ITGB5: variants seen among roughly 807,000 people sequenced by gnomAD.
ITGB5 encodes integrin subunit beta 5.
Under a neutral mutation model 84.8 loss-of-function variants are expected in ITGB5, and 38 were observed. That is an observed-to-expected ratio of 0.45 (90% CI 0.35 to 0.59). ITGB5 has a LOEUF of 0.59. ITGB5 is among the 20% of genes least tolerant of loss of function. ITGB5 has a pLI of 0.01. For synonymous variants in ITGB5, 393 were observed against 414.4 expected (o/e 0.95, Z 0.63); for missense variants, 905 against 1,034.5 (o/e 0.87, Z 1.72).
rs200542282 is a variant in ITGB5, at chr3:124,775,019, C to G, written c.1694-1107G>C. ...AGTCTGGCTCCAGAGTCCATGATCT[C>G]AGTGCCAAAGTCTACTGCCTCCTAT... On this transcript the variant is annotated intron_variant, in intron 10 of 14. Coordinates refer to ENST00000296181, the MANE Select transcript of ITGB5 (RefSeq NM_002213.5). Among the ~76,000 whole-genome samples the G allele has an allele frequency of 2.0e-4, 30 of 152,354 alleles. No homozygotes were observed. The East Asian group carries it at 4.2e-3, about 22-fold the overall frequency.
upstream of ITGB5, among the ~76,000 whole-genome samples, chr3:124,891,593 C>T (rs1408602517): frequency 1.9e-5 from 2 of 103,720 alleles, no homozygotes; most frequent in African/African-American, 3.5e-5. Flanking sequence ...ATAACTGCCT[C>T]AAAAAAAAAA....
At chr3:124,798,077 GGAGTCTC>G (rs1579213651) in intron 9 of ITGB5, among the ~76,000 whole-genome samples, 1 of 56,862 alleles carries the variant, frequency 1.8e-5, no homozygotes, top group East Asian at 5.2e-4. Flanking sequence ...TTTTTGAGGT[GGAGTCTC>G]GCTCTGTTGC....
At chr3:124,859,560 T>G in intron 2 of ITGB5, 114 bp from the exon 3 acceptor site, 2 of 748,882 alleles carry the variant, frequency 2.7e-6, no homozygotes, top group Non-Finnish European at 4.4e-6. Flanking sequence ...ACTTTCCATT[T>G]TCATTGTCTG....
At chr3:124,795,597 C>T (rs11718590) in intron 10 of ITGB5, among the ~76,000 whole-genome samples, 2,022 of 152,170 alleles carry the variant, frequency 0.013, 34 homozygotes, top group South Asian at 0.045. Flanking sequence ...GTGAAAGGGA[C>T]TGTGCAGATG....
At chr3:124,815,576 C>T (rs1382324551) in intron 8 of ITGB5, among the ~76,000 whole-genome samples, 1 of 152,232 alleles carries the variant, frequency 6.6e-6, no homozygotes, top group Non-Finnish European at 1.5e-5. Flanking sequence ...CCTGTGGGGT[C>T]TCCCAGCTCT....
At chr3:124,886,793 C>G in intron 1 of ITGB5, 138 bp downstream of exon 1, 1 of 367,046 alleles carries the variant, frequency 2.7e-6, no homozygotes, top group East Asian at 4.9e-5. Flanking sequence ...TGTCCCCCAG[C>G]GACTGGCCCA....
chr3:124,834,427 GAAAC>G (rs2107582735), intron 5 of ITGB5, among the ~76,000 whole-genome samples: 1 of 146,994 alleles, frequency 6.8e-6, no homozygotes, highest in East Asian at 2.0e-4. Context: ...AAGAAAGAAG[GAAAC>G]AAAGAAAGAA....
intron 3 of ITGB5, among the ~76,000 whole-genome samples, chr3:124,850,867 G>A (rs774939449): frequency 1.3e-5 from 2 of 152,168 alleles, no homozygotes; most frequent in African/African-American, 4.8e-5. Context: ...AGTGAGGGAG[G>A]GGCAGGGAAG....
At chr3:124,826,155 T>C (rs529317415) in intron 5 of ITGB5, among the ~76,000 whole-genome samples, 1 of 152,312 alleles carries the variant, frequency 6.6e-6, no homozygotes, top group East Asian at 1.9e-4. Flanking sequence ...GGGTTAAAGT[T>C]ATAGACAATT....
chr3:124,764,270 GT>G, intron 14 of ITGB5, 120 bp downstream of exon 14: 1 of 1,041,350 alleles, frequency 9.6e-7, no homozygotes, highest in East Asian at 2.5e-5. Flanking sequence ...CGTTTCTGGT[GT>G]TGATTCTTTT....
chr3:124,837,096 T>G (rs949291575), intron 5 of ITGB5, among the ~76,000 whole-genome samples: 2 of 152,196 alleles, frequency 1.3e-5, no homozygotes, highest in African/African-American at 4.8e-5. Context: ...CAAGCTCAAA[T>G]GTACAAGTAA....
chr3:124,839,613 T>C (rs915565528), intron 5 of ITGB5, among the ~76,000 whole-genome samples: 3 of 152,232 alleles, frequency 2.0e-5, no homozygotes, highest in African/African-American at 7.2e-5. Flanking sequence ...ATGTCTTCTC[T>C]GCACTATTTT....
intron 5 of ITGB5, among the ~76,000 whole-genome samples, chr3:124,822,927 C>T (rs529788368): frequency 1.5e-4 from 23 of 151,870 alleles, no homozygotes; most frequent in Non-Finnish European, 2.5e-4. Context: ...CCAGCGCAGA[C>T]GAAACTTAAA....
chr3:124,819,801 A>C lies in ITGB5; in HGVS notation c.976T>G (p.Leu326Val). ...ATGAGGTTGATGTTGTTCTCTGCCA[A>C]TTTCTCTCCAAGCAAGGCAAGGGAT... The part of the protein sequence containing the change: ...YPSLALLGEK[L>V]AENNINLIFA... Residue 326 changes from leucine to valine, a missense_variant, in exon 7 of 15, where the codon TTG (leucine) becomes GTG (valine). Transcript: ENST00000296181. The C allele has an allele frequency of 6.2e-7, 1 of 1,614,034 alleles. No homozygotes were observed. The highest frequency in any genetic ancestry group is 8.5e-7 in the Non-Finnish European group (1 of 1,179,942).
chr3:124,825,356 A>C (rs1480752162), intron 5 of ITGB5, among the ~76,000 whole-genome samples: 1 of 152,232 alleles, frequency 6.6e-6, no homozygotes, highest in African/African-American at 2.4e-5. Flanking sequence ...GTATTTACCC[A>C]AAAGAAATTA....
chr3:124,803,853 C>G (rs1319473634), intron 9 of ITGB5, among the ~76,000 whole-genome samples: 1 of 152,252 alleles, frequency 6.6e-6, no homozygotes, highest in East Asian at 1.9e-4. Flanking sequence ...GGCTTCAGAA[C>G]AGAAAGCCCT....
chr3:124,766,143 A>T, intron 13 of ITGB5, 83 bp downstream of exon 13: 1 of 1,385,694 alleles, frequency 7.2e-7, no homozygotes, highest in Non-Finnish European at 9.9e-7. Flanking sequence ...CAGAAAGGGC[A>T]GTGGTCCCAG....
intron 3 of ITGB5, among the ~76,000 whole-genome samples, chr3:124,852,625 T>C (rs1012926408): frequency 3.9e-5 from 6 of 152,056 alleles, no homozygotes; most frequent in Non-Finnish European, 7.3e-5. Context: ...AAAGTTGGCA[T>C]TTTCCTTAGG....
intron 10 of ITGB5, chr3:124,792,082 G>A (rs886119585): frequency 6.6e-6 from 1 of 152,188 alleles, no homozygotes; most frequent in African/African-American, 2.4e-5. Context: ...ATTTTCTCCG[G>A]AAAGACTTGG....
Sources: gnomAD v4.1 joint callset for allele counts (sites outside exome capture counted in the v4.1 genomes callset) on GRCh38, gnomAD v4.1.1 for gene constraint, MANE v1.5 for transcripts, NCBI Gene and HGNC (gene_info 2026-07-23, HGNC 2026-07-21) for gene names.